Variants in NCMAP observed in about 807,000 individuals in gnomAD.
NCMAP encodes non-compact myelin associated protein.
NCMAP carries 8 observed loss-of-function variants against 7.8 expected under a neutral mutation model. The ratio of observed to expected loss-of-function variants is 1.02; its 90% CI spans 0.60 to 1.84. NCMAP has a LOEUF of 1.84. Ranked by LOEUF, NCMAP falls within the 40% of genes most tolerant of loss-of-function variation. The pLI, the probability that NCMAP is intolerant of heterozygous loss-of-function variation, is 0.00. For missense variants in NCMAP, 112 were observed against 131.4 expected (o/e 0.85, Z 0.72); for synonymous variants, 41 against 52.9 (o/e 0.78, Z 0.98).
intron 1 of NCMAP, among the ~76,000 whole-genome samples, chr1:24,573,835 T>C (rs4610949): frequency 0.74 from 109,785 of 148,512 alleles, 41,474 homozygotes; most frequent in African/African-American, 0.85. Context: ...TATTTTGGGG[T>C]GTGTCTGTGA....
At chr1:24,578,406 A>T (rs1324594622) in intron 1 of NCMAP, among the ~76,000 whole-genome samples, 1 of 144,116 alleles carries the variant, frequency 6.9e-6, no homozygotes, top group Non-Finnish European at 1.5e-5. Flanking sequence ...ATCCTGGGAC[A>T]CGGAGTTGCT....
chr1:24,594,881 A>C (rs1390070643), intron 1 of NCMAP, among the ~76,000 whole-genome samples: 1 of 131,626 alleles, frequency 7.6e-6, no homozygotes, highest in Non-Finnish European at 1.6e-5. Context: ...ACAGGGCAAG[A>C]CCTTTATGTA....
At chr1:24,597,639 G>GA (rs1199084121) in intron 2 of NCMAP, among the ~76,000 whole-genome samples, 2 of 117,646 alleles carry the variant, frequency 1.7e-5, no homozygotes, top group African/African-American at 7.9e-5. Context: ...AAGAAAGAAA[G>GA]AAAGAAAGAA....
chr1:24,602,436 G>A (rs1652535340), intron 3 of NCMAP, among the ~76,000 whole-genome samples: 1 of 146,304 alleles, frequency 6.8e-6, no homozygotes, highest in South Asian at 2.1e-4. Context: ...CGGGCGCAGT[G>A]GTGGGCGCCT....
intron 1 of NCMAP, among the ~76,000 whole-genome samples, chr1:24,581,813 G>A (rs1368569817): frequency 1.3e-5 from 2 of 152,204 alleles, no homozygotes; most frequent in African/African-American, 4.8e-5. Flanking sequence ...TAAGCCCTTG[G>A]CAGGGAGGAA....
intron 1 of NCMAP, among the ~76,000 whole-genome samples, chr1:24,558,708 C>T (rs994591377): frequency 2.0e-5 from 3 of 152,098 alleles, no homozygotes; most frequent in South Asian, 2.1e-4. Flanking sequence ...GGGAGCGGAG[C>T]GCACTGTCAC....
At chr1:24,580,001 G>A (rs1037653360) in intron 1 of NCMAP, among the ~76,000 whole-genome samples, 1 of 152,166 alleles carries the variant, frequency 6.6e-6, no homozygotes, top group South Asian at 2.1e-4. Context: ...CCTGGGGTCT[G>A]GCCGAGGGGT....
intron 1 of NCMAP, among the ~76,000 whole-genome samples, chr1:24,585,166 C>A (rs1651846186): frequency 6.6e-6 from 1 of 152,108 alleles, no homozygotes; most frequent in Non-Finnish European, 1.5e-5. Context: ...CTGTGATACA[C>A]AGAGCCATGA....
At chr1:24,586,947 A>G (rs1043238164) in intron 1 of NCMAP, among the ~76,000 whole-genome samples, 1 of 152,216 alleles carries the variant, frequency 6.6e-6, no homozygotes, top group Non-Finnish European at 1.5e-5. Flanking sequence ...TATTGTGTAC[A>G]GCACTGTGCT....
rs1557602556 is a variant in NCMAP at position 24,597,635 on chromosome 1, GAAAGAAAGAA to G, written c.82+2125_82+2134del. Among the ~76,000 whole-genome samples the G allele has an allele frequency of 1.7e-3, 204 of 118,756 alleles. 3 individuals are homozygous for G. Among genetic ancestry groups the G allele is most frequent in the African/African-American group, 7.4e-3 (198 of 26,902 alleles). The allele number at this position is 118,756 out of a possible 152,430, so 77.9% of individuals were successfully genotyped here. ...AAAGAAAGAGAAAGAAAGAAAGAAA[GAAAGAAAGAA>G]AGAAAGAAAGAAAGAAAGAAAGAAA... On this transcript the variant is annotated intron_variant, in intron 2 of 3. Transcript: ENST00000374392.
chr1:24,600,750 G>A (rs935910568), intron 2 of NCMAP, among the ~76,000 whole-genome samples, 190 bp from the exon 3 acceptor site: 1 of 152,150 alleles, frequency 6.6e-6, no homozygotes, highest in African/African-American at 2.4e-5. Context: ...TCCTTCAAGC[G>A]CAGCTCGGGG....
intron 1 of NCMAP, among the ~76,000 whole-genome samples, chr1:24,588,002 AAG>A (rs1276814962): frequency 1.3e-5 from 2 of 152,052 alleles, no homozygotes; most frequent in Non-Finnish European, 2.9e-5. Context: ...AGGCAAAAGA[AAG>A]AGAAAGAAAC....
chr1:24,601,254 AATG>A (rs1370022041), intron 3 of NCMAP, among the ~76,000 whole-genome samples: 1 of 152,196 alleles, frequency 6.6e-6, no homozygotes, highest in African/African-American at 2.4e-5. Context: ...TGATAATGAC[AATG>A]ATAATGGTCT....
intron 1 of NCMAP, among the ~76,000 whole-genome samples, chr1:24,579,882 C>T (rs1354837184): frequency 6.6e-6 from 1 of 152,216 alleles, no homozygotes; most frequent in Non-Finnish European, 1.5e-5. Context: ...TAGGTCTATT[C>T]CCTTTGGCTG....
At position 24,603,158 on chromosome 1, in the gene NCMAP, C is replaced by T. The variant is rs569724246; in HGVS notation, c.167+2134C>T. Among the ~76,000 whole-genome samples the T allele has an allele frequency of 3.9e-5, 6 of 152,234 alleles. No individual in the cohort carries two copies. In the East Asian group the frequency reaches 1.2e-3, roughly 29 times the overall value. On this transcript the variant is annotated intron_variant, in intron 3 of 3. Coordinates refer to ENST00000374392, the MANE Select transcript of NCMAP (RefSeq NM_001010980.5). ...TCTAAGCTCCTTACATGTGTTAATG[C>T]ATTTAATCCTCATCTAACAACCGCA... is the stretch of plus-strand genomic sequence containing the variant.
intron 1 of NCMAP, among the ~76,000 whole-genome samples, chr1:24,580,387 A>C (rs978028922): frequency 6.6e-6 from 1 of 152,042 alleles, no homozygotes; most frequent in African/African-American, 2.4e-5. Flanking sequence ...GGAGGCCCAC[A>C]GTGGTGAGGA....
At chr1:24,557,825 A>G (rs894008479) in intron 1 of NCMAP, among the ~76,000 whole-genome samples, 5 of 152,114 alleles carry the variant, frequency 3.3e-5, no homozygotes, top group African/African-American at 1.2e-4. Context: ...CAAGCCAGCC[A>G]GCCGCGGCGC....
chr1:24,567,153 C>T lies in NCMAP; in HGVS notation c.-8+10984C>T, dbSNP rs1651251558. Reference sequence around the variant, plus strand: ...CCTGCTTAACCCCATCTCTTCCACGCAGCCCATACGCACACATGCATTCAC... The same window carrying T: ...CCTGCTTAACCCCATCTCTTCCACGTAGCCCATACGCACACATGCATTCAC... On this transcript the variant is annotated intron_variant, in intron 1 of 3. Transcript: ENST00000374392. 1.3e-5 allele frequency among the ~76,000 whole-genome samples: 2 copies of T among 152,292 alleles called. 1 individual carries two copies. The highest frequency in any genetic ancestry group is 4.1e-4 in the South Asian group (2 of 4,822).
intron 1 of NCMAP, among the ~76,000 whole-genome samples, chr1:24,579,854 C>G (rs1421790011): frequency 6.6e-6 from 1 of 152,228 alleles, no homozygotes; most frequent in Non-Finnish European, 1.5e-5. Flanking sequence ...AGAAGATTCT[C>G]TAGTCAATCA....
Sources: gnomAD v4.1 joint callset for allele counts (sites outside exome capture counted in the v4.1 genomes callset) on GRCh38, gnomAD v4.1.1 for gene constraint, MANE v1.5 for transcripts, NCBI Gene and HGNC (gene_info 2026-07-23, HGNC 2026-07-21) for gene names.